DMD: variants seen among roughly 807,000 people sequenced by gnomAD.
DMD encodes the protein dystrophin.
A neutral mutation model predicts 330.1 loss-of-function variants in DMD; 63 were observed. The ratio of observed to expected loss-of-function variants is 0.19; its 90% CI spans 0.16 to 0.24. The LOEUF (loss-of-function observed/expected upper bound fraction) is 0.24, where lower values mean the gene tolerates loss of function less well. DMD is among the 10% of genes least tolerant of loss of function. DMD has a pLI of 1.00. For synonymous variants in DMD, 1,223 were observed against 959.8 expected (o/e 1.27, Z -5.07); for missense variants, 3,344 against 2,684.1 (o/e 1.25, Z -5.43).
intron 51 of DMD, among the ~76,000 whole-genome samples, chrX:31,751,158 T>C (rs909059690): frequency 4.6e-5 from 5 of 108,704 alleles, no homozygotes; most frequent in African/African-American, 1.3e-4. Flanking sequence ...TTAAAGTTCA[T>C]ATGGAACCAA....
rs762899470 is a variant in DMD at position 31,673,580 on chromosome X, C to A, written c.7872+5795G>T. ...CCAAGATCATGCCACTGCACTCCAG[C>A]CTGGGTGACAGAGTGAGACTCCATC... On this transcript the variant is annotated intron_variant, in intron 53 of 78. Transcript: ENST00000357033. Among the ~76,000 whole-genome samples the A allele has an allele frequency of 2.2e-4, 24 of 110,247 alleles. No homozygotes were observed. In the South Asian group the frequency reaches 3.5e-3, roughly 16 times the overall value.
At chrX:32,698,037 G>C (rs773689017) in intron 8 of DMD, 39 bp from the exon 9 acceptor site, 10 of 1,161,996 alleles carry the variant, frequency 8.6e-6, no homozygotes, top group Middle Eastern at 4.9e-4. Flanking sequence ...AGAGAGGAGG[G>C]GGAAAAACCA....
intron 44 of DMD, among the ~76,000 whole-genome samples, chrX:32,066,735 TA>T (rs1665569091): frequency 9.0e-6 from 1 of 111,511 alleles, no homozygotes; most frequent in Non-Finnish European, 1.9e-5. Context: ...ACTTACGAAA[TA>T]AATAAATCAG....
intron 12 of DMD, among the ~76,000 whole-genome samples, chrX:32,607,204 G>A (rs754871423): frequency 4.5e-5 from 5 of 110,114 alleles, no homozygotes; most frequent in African/African-American, 1.6e-4. Context: ...ACTTCAGCTT[G>A]TACAGTGCTT....
At chrX:32,081,086 C>A (rs2096388158) in intron 44 of DMD, among the ~76,000 whole-genome samples, 1 of 112,093 alleles carries the variant, frequency 8.9e-6, no homozygotes, top group Admixed American at 9.4e-5. Context: ...CAATATTCCA[C>A]CCACCTCTGT....
intron 2 of DMD, among the ~76,000 whole-genome samples, chrX:32,884,389 T>C (rs1448072238): frequency 1.8e-5 from 2 of 112,211 alleles, no homozygotes; most frequent in Non-Finnish European, 3.8e-5. Context: ...AACAATTAGT[T>C]AAAAGCGGTA....
intron 49 of DMD, among the ~76,000 whole-genome samples, chrX:31,833,249 T>C (rs1490404135): frequency 3.0e-5 from 3 of 98,759 alleles, no homozygotes; most frequent in Admixed American, 1.2e-4. Context: ...AATAAAAGTA[T>C]GTGTGTAGAT....
At chrX:32,336,118 T>A (rs1204374384) in intron 41 of DMD, among the ~76,000 whole-genome samples, 2 of 110,061 alleles carry the variant, frequency 1.8e-5, no homozygotes, top group Admixed American at 9.7e-5. Flanking sequence ...GTTATATATG[T>A]TATATGTAAC....
chrX:32,052,797 G>A (rs2096127022), intron 44 of DMD, among the ~76,000 whole-genome samples: 1 of 111,279 alleles, frequency 9.0e-6, no homozygotes, highest in Non-Finnish European at 1.9e-5. Context: ...ATGAATGAGA[G>A]TAGTAGATCC....
chrX:31,312,771 G>A lies in DMD; in HGVS notation c.9224+10827C>T, dbSNP rs939979974. On this transcript the variant is annotated intron_variant, in intron 62 of 78. Coordinates refer to ENST00000357033, the MANE Select transcript of DMD (RefSeq NM_004006.3). ...GTACATATAAACCATGGAATACTAC[G>A]CAGCCATAAAAAGGAATGAGATCAC... is the stretch of plus-strand genomic sequence containing the variant. Among the ~76,000 whole-genome samples the A allele has an allele frequency of 9.8e-5, 11 of 112,071 alleles. No individual in the cohort carries two copies. The East Asian group carries it at 1.7e-3, about 17-fold the overall frequency.
intron 18 of DMD, among the ~76,000 whole-genome samples, chrX:32,509,531 AC>A (rs1461030143): frequency 9.0e-6 from 1 of 111,725 alleles, no homozygotes; most frequent in Non-Finnish European, 1.9e-5. Context: ...CTGGTTCAAA[AC>A]AAAAACAAAA....
chrX:32,882,670 T>C (rs1383065798), intron 2 of DMD, among the ~76,000 whole-genome samples: 3 of 112,522 alleles, frequency 2.7e-5, no homozygotes, highest in African/African-American at 9.7e-5. Context: ...TGGAACTCAG[T>C]TGTATTAGAG....
At chrX:31,807,081 G>A (rs368465304) in intron 50 of DMD, among the ~76,000 whole-genome samples, 9 of 111,365 alleles carry the variant, frequency 8.1e-5, no homozygotes, top group Non-Finnish European at 1.3e-4. Context: ...CGAAGGGGAC[G>A]CTTTCCAGAA....
chrX:33,248,555 T>G (rs1217887876), intron 1 of DMD, among the ~76,000 whole-genome samples: 2 of 111,703 alleles, frequency 1.8e-5, no homozygotes, highest in Admixed American at 1.9e-4. Flanking sequence ...GTCATTTTTT[T>G]ACAGACCAGA....
At chrX:31,962,090 A>G (rs1011150197) in intron 45 of DMD, among the ~76,000 whole-genome samples, 1 of 111,236 alleles carries the variant, frequency 9.0e-6, no homozygotes, top group Non-Finnish European at 1.9e-5. Flanking sequence ...CTGGCTGTGC[A>G]ATCTTGGGCA....
At chrX:33,129,036 T>C (rs2095481865) in intron 1 of DMD, 1 of 112,163 alleles carries the variant, frequency 8.9e-6, no homozygotes, top group African/African-American at 3.2e-5. Context: ...TACTCAAATT[T>C]GTATTTGAAG....
intron 64 of DMD, among the ~76,000 whole-genome samples, chrX:31,214,137 A>T (rs1602784599): frequency 8.9e-6 from 1 of 112,326 alleles, no homozygotes; most frequent in Non-Finnish European, 1.9e-5. Flanking sequence ...TCCCAACCAA[A>T]AAGCTGAAGC....
chrX:32,688,566 C>G lies in DMD; in HGVS notation c.960+9304G>C, dbSNP rs566010221. 9.3e-4 allele frequency among the ~76,000 whole-genome samples: 104 copies of G among 111,988 alleles called. 2 individuals carry two copies. The South Asian group carries it at 0.036, about 39-fold the overall frequency. On this transcript the variant is annotated intron_variant, in intron 9 of 78. Transcript: ENST00000357033. The stretch of plus-strand genomic sequence containing the variant: ...TGAATGGAGTCTTTCCCCTCTAACA[C>G]TCTATGTGATAGTGGAGGCTTTTCT...
intron 2 of DMD, among the ~76,000 whole-genome samples, chrX:32,957,915 C>A (rs911631275): frequency 1.8e-5 from 2 of 111,740 alleles, no homozygotes. Context: ...TCGAGAGAAG[C>A]CTGATCATCA....
Sources: gnomAD v4.1 joint callset for allele counts (sites outside exome capture counted in the v4.1 genomes callset) on GRCh38, gnomAD v4.1.1 for gene constraint, MANE v1.5 for transcripts, NCBI Gene and HGNC (gene_info 2026-07-23, HGNC 2026-07-21) for gene names.